Variants in ANK3 observed in about 807,000 individuals in gnomAD.
The protein encoded by ANK3 is ankyrin-3.
Under a neutral mutation model 370.9 loss-of-function variants are expected in ANK3, and 57 were observed. The ratio of observed to expected loss-of-function variants is 0.15; its 90% CI spans 0.12 to 0.19. ANK3 has a LOEUF of 0.19. Ranked by LOEUF, ANK3 falls within the 10% of genes least tolerant of loss-of-function variation. ANK3 has a pLI of 1.00. For missense variants in ANK3, 4,439 were observed against 5,302.1 expected (o/e 0.84, Z 5.06); for synonymous variants, 1,929 against 1,946.3 (o/e 0.99, Z 0.23).
chr10:60,465,569 C>T (rs945495465), intron 2 of ANK3, among the ~76,000 whole-genome samples: 7 of 152,040 alleles, frequency 4.6e-5, no homozygotes, highest in African/African-American at 1.7e-4. Context: ...GAAATTAAAC[C>T]AGAGTGAAAT....
chr10:60,325,829 C>A (rs2049719396), intron 1 of ANK3, among the ~76,000 whole-genome samples: 1 of 152,170 alleles, frequency 6.6e-6, no homozygotes, highest in African/African-American at 2.4e-5. Flanking sequence ...CACATGCACA[C>A]ATACGTTCTT....
intron 2 of ANK3, among the ~76,000 whole-genome samples, chr10:60,467,269 TCAAA>T (rs1290610735): frequency 1.3e-5 from 2 of 152,100 alleles, no homozygotes; most frequent in African/African-American, 4.8e-5. Context: ...AAGAGCAAAC[TCAAA>T]CATTTTCACG....
At chr10:60,286,600 G>T (rs549147422) in intron 1 of ANK3, among the ~76,000 whole-genome samples, 3 of 152,086 alleles carry the variant, frequency 2.0e-5, no homozygotes, top group Non-Finnish European at 4.4e-5. Context: ...TAAATCTTAG[G>T]ATCATAAATG....
At chr10:60,123,046 T>C (rs1217531502) in intron 25 of ANK3, among the ~76,000 whole-genome samples, 1 of 152,204 alleles carries the variant, frequency 6.6e-6, no homozygotes, top group Non-Finnish European at 1.5e-5. Context: ...CAGAACCTAT[T>C]AGCCCTGAGA....
chr10:60,418,173 C>T (rs2063707925), intron 2 of ANK3, among the ~76,000 whole-genome samples: 1 of 152,140 alleles, frequency 6.6e-6, no homozygotes, highest in Admixed American at 6.5e-5. Context: ...TCCTGATATG[C>T]ACTGTCCAGG....
At chr10:60,427,289 A>G (rs1187082449) in intron 2 of ANK3, among the ~76,000 whole-genome samples, 3 of 152,126 alleles carry the variant, frequency 2.0e-5, no homozygotes, top group Non-Finnish European at 4.4e-5. Flanking sequence ...GAGAAAGAGA[A>G]AGGGAGAGAT....
intron 2 of ANK3, among the ~76,000 whole-genome samples, chr10:60,583,725 G>A (rs1343853838): frequency 1.3e-5 from 2 of 151,902 alleles, no homozygotes; most frequent in African/African-American, 4.8e-5. Flanking sequence ...TGGGATTACA[G>A]GCGCATACTA....
intron 2 of ANK3, among the ~76,000 whole-genome samples, chr10:60,600,251 T>C (rs891926831): frequency 4.6e-5 from 7 of 152,202 alleles, no homozygotes; most frequent in African/African-American, 1.7e-4. Flanking sequence ...TTGAATTTAA[T>C]CAACATTTGT....
At chr10:60,718,954 A>T (rs1311062990) in intron 1 of ANK3, among the ~76,000 whole-genome samples, 1 of 152,186 alleles carries the variant, frequency 6.6e-6, no homozygotes, top group East Asian at 1.9e-4. Flanking sequence ...TACAAAACAC[A>T]TGCTTATTTT....
chr10:60,148,045 T>C (rs1047093700), intron 23 of ANK3, among the ~76,000 whole-genome samples: 2 of 152,190 alleles, frequency 1.3e-5, no homozygotes, highest in Admixed American at 6.5e-5. Flanking sequence ...AAGGGATGCA[T>C]GTGCCTCCTG....
chr10:60,309,489 A>G (rs1272706022), intron 1 of ANK3, among the ~76,000 whole-genome samples: 5 of 152,182 alleles, frequency 3.3e-5, no homozygotes, highest in Non-Finnish European at 7.3e-5. Flanking sequence ...TGAAAATGTA[A>G]TGAACTCTGT....
chr10:60,035,105 TA>T (rs2074619428), intron 43 of ANK3, among the ~76,000 whole-genome samples: 1 of 152,200 alleles, frequency 6.6e-6, no homozygotes, highest in African/African-American at 2.4e-5. Context: ...TTACTGTTAT[TA>T]TTTTTATTAG....
intron 2 of ANK3, among the ~76,000 whole-genome samples, chr10:60,615,024 TGTTC>T (rs1270229090): frequency 6.6e-6 from 1 of 152,170 alleles, no homozygotes; most frequent in Non-Finnish European, 1.5e-5. Flanking sequence ...GCCTTCAAAT[TGTTC>T]TCTAGTTAAA....
intron 23 of ANK3, among the ~76,000 whole-genome samples, chr10:60,151,071 T>C (rs149648882): frequency 1.7e-4 from 26 of 152,160 alleles, no homozygotes; most frequent in African/African-American, 4.6e-4. Context: ...TAGGACATAA[T>C]GGAAATTAGG....
intron 43 of ANK3, among the ~76,000 whole-genome samples, chr10:60,039,501 TAAG>T (rs940812947): frequency 6.6e-6 from 1 of 152,154 alleles, no homozygotes; most frequent in Admixed American, 6.5e-5. Context: ...CTGTGTAGAG[TAAG>T]AAGAAATTTA....
At chr10:60,190,952 T>A (rs949933421) in intron 16 of ANK3, among the ~76,000 whole-genome samples, 10 of 152,088 alleles carry the variant, frequency 6.6e-5, no homozygotes, top group South Asian at 2.1e-4. Flanking sequence ...CCAACTAATC[T>A]TTGACAAAGT....
At position 60,583,676 on chromosome 10, in the gene ANK3, G is replaced by A. The variant is rs371122711; in HGVS notation, c.96+31510C>T. Among the ~76,000 whole-genome samples the A allele has an allele frequency of 5.5e-4, 83 of 151,936 alleles. No homozygotes were observed. In the East Asian group the frequency reaches 8.6e-3, roughly 16 times the overall value. On this transcript the variant is annotated intron_variant, in intron 2 of 43. Transcript: ENST00000373827. ...TTGGCTCACTGCAACCTCCGCCTCC[G>A]GGTTCACGCGATTCTCCTGCCTCAG...
chr10:60,050,548 T>C (rs563685976), intron 42 of ANK3: 1 of 152,372 alleles, frequency 6.6e-6, no homozygotes, highest in East Asian at 1.9e-4. Flanking sequence ...CCTCTTTCTC[T>C]CTAGGGCAGT....
chr10:60,152,358 T>G (rs1282547547), intron 23 of ANK3, among the ~76,000 whole-genome samples: 4 of 152,132 alleles, frequency 2.6e-5, no homozygotes, highest in African/African-American at 9.7e-5. Context: ...AAAGGCAGAG[T>G]TTAGTAGCTG....
Sources: gnomAD v4.1 joint callset for allele counts (sites outside exome capture counted in the v4.1 genomes callset) on GRCh38, gnomAD v4.1.1 for gene constraint, MANE v1.5 for transcripts, NCBI Gene and HGNC (gene_info 2026-07-23, HGNC 2026-07-21) for gene names.